SYT1: variants seen among roughly 807,000 people sequenced by gnomAD.
SYT1 encodes synaptotagmin-1.
Under a neutral mutation model 44.8 loss-of-function variants are expected in SYT1, and 8 were observed. The observed-to-expected ratio is 0.18, with a 90% CI of 0.10 to 0.32. The LOEUF is 0.32. Among genes scored for constraint, SYT1 ranks in the 10% least tolerant of loss-of-function variants. The pLI is 1.00. For missense variants in SYT1, 286 were observed against 509.3 expected, an observed-to-expected ratio of 0.56 and a Z score of 4.22; for synonymous variants, 154 against 188.8, an observed-to-expected ratio of 0.82 and a Z score of 1.51.
chr12:78,998,693 G>A (rs913781910), intron 2 of SYT1, among the ~76,000 whole-genome samples: 1 of 152,158 alleles, frequency 6.6e-6, no homozygotes, highest in African/African-American at 2.4e-5. Flanking sequence ...CTAGCTTTGT[G>A]ATCTCCGATT....
At chr12:79,367,614 C>A (rs1351440323) in intron 9 of SYT1, among the ~76,000 whole-genome samples, 1 of 152,028 alleles carries the variant, frequency 6.6e-6, no homozygotes, top group Non-Finnish European at 1.5e-5. Context: ...CTTCAGCTTG[C>A]TTTCCTCTCG....
intron 1 of SYT1, among the ~76,000 whole-genome samples, chr12:78,945,528 T>C (rs1878608744): frequency 6.6e-6 from 1 of 151,752 alleles, no homozygotes; most frequent in East Asian, 1.9e-4. Context: ...TTACACAATT[T>C]TAGGTTAACC....
chr12:78,919,401 G>A (rs1876854349), intron 1 of SYT1, among the ~76,000 whole-genome samples: 1 of 152,054 alleles, frequency 6.6e-6, no homozygotes, highest in Non-Finnish European at 1.5e-5. Flanking sequence ...AGCTGGATCA[G>A]GCAGACCAAG....
chr12:79,313,666 G>A (rs1044404996), intron 8 of SYT1, among the ~76,000 whole-genome samples: 23 of 151,190 alleles, frequency 1.5e-4, no homozygotes, highest in Non-Finnish European at 8.8e-5. Context: ...AAAATTAATG[G>A]TGAGACAGAA....
At chr12:79,395,572 A>G (rs1884835200) in intron 9 of SYT1, among the ~76,000 whole-genome samples, 1 of 151,998 alleles carries the variant, frequency 6.6e-6, no homozygotes, top group Admixed American at 6.6e-5. Flanking sequence ...TTTTTTGTAG[A>G]GACGTCATCT....
At chr12:79,295,158 T>G (rs967636703) in intron 6 of SYT1, among the ~76,000 whole-genome samples, 1 of 152,160 alleles carries the variant, frequency 6.6e-6, no homozygotes, top group African/African-American at 2.4e-5. Context: ...TGAATAACAG[T>G]AAGAGTCTGC....
chr12:79,038,676 G>C (rs1399201645), intron 2 of SYT1, among the ~76,000 whole-genome samples: 1 of 151,816 alleles, frequency 6.6e-6, no homozygotes, highest in Admixed American at 6.6e-5. Context: ...AGAAAACTCT[G>C]AGTTTATTAA....
chr12:79,095,265 A>G (rs541094187), intron 3 of SYT1, among the ~76,000 whole-genome samples: 1 of 152,054 alleles, frequency 6.6e-6, no homozygotes, highest in South Asian at 2.1e-4. Flanking sequence ...AGCTAAAGAA[A>G]TGTACTGAAA....
chr12:79,163,602 A>G (rs932585283), intron 3 of SYT1, among the ~76,000 whole-genome samples: 4 of 151,970 alleles, frequency 2.6e-5, no homozygotes, highest in African/African-American at 7.2e-5. Context: ...GTCAGGGTCA[A>G]TTTTCCAAAA....
chr12:79,175,774 A>G (rs1262452105), intron 3 of SYT1, among the ~76,000 whole-genome samples: 2 of 151,998 alleles, frequency 1.3e-5, no homozygotes, highest in Non-Finnish European at 2.9e-5. Context: ...AAAGTCCCTG[A>G]TTTACCCCTC....
chr12:78,929,165 G>A (rs1235335810), intron 1 of SYT1, among the ~76,000 whole-genome samples: 3 of 151,642 alleles, frequency 2.0e-5, no homozygotes, highest in African/African-American at 7.3e-5. Context: ...ACTTTGGGAG[G>A]CTGAGACGGG....
intron 9 of SYT1, among the ~76,000 whole-genome samples, chr12:79,378,677 T>TG (rs1481389485): frequency 3.3e-5 from 5 of 152,206 alleles, no homozygotes; most frequent in African/African-American, 1.2e-4. Flanking sequence ...TGACCCCCAG[T>TG]GGGGTAAAGG....
chr12:78,878,429 G>A (rs559160259), intron 1 of SYT1, among the ~76,000 whole-genome samples: 9 of 151,854 alleles, frequency 5.9e-5, no homozygotes, highest in African/African-American at 2.2e-4. Context: ...AATTGACTAT[G>A]GCATTTTGCT....
At chr12:78,975,998 AC>A (rs1471367454) in intron 1 of SYT1, among the ~76,000 whole-genome samples, 1 of 152,180 alleles carries the variant, frequency 6.6e-6, no homozygotes, top group Non-Finnish European at 1.5e-5. Context: ...AAGGACACAC[AC>A]ATACACAGCA....
intron 3 of SYT1, among the ~76,000 whole-genome samples, chr12:79,128,805 T>G (rs557229574): frequency 1.4e-4 from 22 of 152,306 alleles, no homozygotes; most frequent in African/African-American, 5.1e-4. Flanking sequence ...TAAAAATCCA[T>G]TATTATCATA....
intron 7 of SYT1, among the ~76,000 whole-genome samples, chr12:79,298,441 T>G (rs371968395): frequency 2.0e-4 from 30 of 152,146 alleles, no homozygotes; most frequent in Admixed American, 7.9e-4. Flanking sequence ...CTTCCCTCCT[T>G]AATATACAGA....
intron 2 of SYT1, among the ~76,000 whole-genome samples, chr12:79,021,748 G>T (rs1021040986): frequency 7.9e-5 from 12 of 151,776 alleles, no homozygotes; most frequent in African/African-American, 2.9e-4. Flanking sequence ...AATATATAAT[G>T]CCCAAACCTA....
chr12:79,020,749 G>C (rs1872139221), intron 2 of SYT1, among the ~76,000 whole-genome samples: 1 of 151,904 alleles, frequency 6.6e-6, no homozygotes. Flanking sequence ...TGAAGAAAAT[G>C]CATCATTCTA....
chr12:79,360,454 C>T (rs976191252), intron 9 of SYT1, among the ~76,000 whole-genome samples: 16 of 152,184 alleles, frequency 1.1e-4, no homozygotes, highest in African/African-American at 3.6e-4. Context: ...TGTCCTTCCA[C>T]TGGTGCTGAA....
Sources: allele counts gnomAD v4.1 joint callset (sites outside exome capture counted in the v4.1 genomes callset), GRCh38; gene constraint gnomAD v4.1.1; transcripts MANE v1.5; gene names NCBI Gene and HGNC (gene_info 2026-07-23, HGNC 2026-07-21).